Variants in ZGRF1 observed in about 807,000 individuals in gnomAD.
ZGRF1 encodes the protein 5'-3' DNA helicase ZGRF1.
ZGRF1 carries 196 observed loss-of-function variants against 203.5 expected under a neutral mutation model. The ratio of observed to expected loss-of-function variants is 0.96; its 90% confidence interval spans 0.86 to 1.08. The LOEUF (loss-of-function observed/expected upper bound fraction) is 1.08. Ranked by LOEUF, ZGRF1 falls within the 50% of genes least tolerant of loss-of-function variation. ZGRF1 has a pLI of 0.00. For missense variants in ZGRF1, 2,326 were observed against 2,416.3 expected, an observed-to-expected ratio of 0.96 and a Z score of 0.78; for synonymous variants, 809 against 841.3, an observed-to-expected ratio of 0.96 and a Z score of 0.66.
chr4:112,586,231 T>A (rs1747157067), intron 13 of ZGRF1, among the ~76,000 whole-genome samples: 1 of 135,170 alleles, frequency 7.4e-6, no homozygotes, highest in Non-Finnish European at 1.6e-5. Context: ...CATAGTGAGA[T>A]CCTGTCTCAA....
At chr4:112,564,903 CGTCGCTCTCCAACGCCAGCGCCGCCT>C in intron 16 of ZGRF1, 1 of 665,914 alleles carries the variant, frequency 1.5e-6, no homozygotes, top group Non-Finnish European at 2.7e-6. Flanking sequence ...ACCGCGCCGC[CGTCGCTCTCCAACGCCAGCGCCGCCT>C]GTCGCTGACC....
At chr4:112,562,195 C>A (rs1227055466) in intron 18 of ZGRF1, 176 bp downstream of exon 18, 3 of 495,286 alleles carry the variant, frequency 6.1e-6, no homozygotes, top group Non-Finnish European at 1.1e-5. Context: ...AGGCATGAGC[C>A]ACTGCACCCA....
At chr4:112,599,796 A>C (rs1263415563) in intron 10 of ZGRF1, among the ~76,000 whole-genome samples, 7 of 152,092 alleles carry the variant, frequency 4.6e-5, no homozygotes, top group Admixed American at 2.6e-4. Context: ...CAGAAGAGAA[A>C]CTAATAAGAG....
At chr4:112,554,945 T>G (rs1740666831) in intron 20 of ZGRF1, among the ~76,000 whole-genome samples, 163 bp from the exon 21 acceptor site, 2 of 152,168 alleles carry the variant, frequency 1.3e-5, no homozygotes, top group African/African-American at 2.4e-5. Context: ...AAGTAGTTGG[T>G]TTTTTAAATA....
intron 10 of ZGRF1, among the ~76,000 whole-genome samples, chr4:112,597,136 C>T (rs1369300093): frequency 1.3e-5 from 2 of 150,574 alleles, no homozygotes; most frequent in African/African-American, 4.9e-5. Context: ...ATCACTTGAA[C>T]CCAAGAGGCG....
chr4:112,571,186 G>A (rs1296072187), intron 16 of ZGRF1, among the ~76,000 whole-genome samples: 4 of 150,396 alleles, frequency 2.7e-5, no homozygotes, highest in Non-Finnish European at 4.4e-5. Flanking sequence ...CTCAAAATTA[G>A]CTAAGTATCA....
In ZGRF1 at chr4:112,631,952, T is replaced by C; in HGVS notation, c.80A>G (p.Lys27Arg). 1 of 1,598,594 alleles carries C rather than the reference T, an allele frequency of 6.3e-7. No homozygotes were observed. The highest frequency in any genetic ancestry group is 8.5e-7 in the Non-Finnish European group (1 of 1,172,318). ...KSKVWQDGILKITHLGNKAIL... is the reference protein window; with the variant it reads ...KSKVWQDGILRITHLGNKAIL... ...CACTTTGTTTCCTAAGTGAGTGATCTTCAGAATTCCATCTTGCCACACTTT... is the reference window on the plus strand; with the variant it reads ...CACTTTGTTTCCTAAGTGAGTGATCCTCAGAATTCCATCTTGCCACACTTT... Residue 27 changes from lysine to arginine, a missense_variant, in exon 3 of 28, where the codon AAG becomes AGG. Coordinates refer to ENST00000505019, the MANE Select transcript of ZGRF1 (RefSeq NM_018392.5).
intron 16 of ZGRF1, chr4:112,565,109 G>A (rs890837923): frequency 4.6e-5 from 64 of 1,385,090 alleles, no homozygotes; most frequent in South Asian, 6.9e-5. Context: ...AAACCTCATC[G>A]TTACAGGCCT....
chr4:112,576,145 G>A (rs933253568), intron 16 of ZGRF1, among the ~76,000 whole-genome samples: 7 of 152,182 alleles, frequency 4.6e-5, no homozygotes, highest in Admixed American at 1.3e-4. Context: ...TGCAGCCTCC[G>A]CTGCTGATAC....
intron 16 of ZGRF1, among the ~76,000 whole-genome samples, chr4:112,573,622 T>G (rs1297254582): frequency 6.6e-6 from 1 of 152,046 alleles, no homozygotes; most frequent in Non-Finnish European, 1.5e-5. Context: ...TATAGGTGAG[T>G]AATTTTAGAA....
chr4:112,628,413 G>A (rs1006754481), intron 3 of ZGRF1, among the ~76,000 whole-genome samples: 4 of 152,144 alleles, frequency 2.6e-5, no homozygotes, highest in African/African-American at 9.7e-5. Context: ...GATGCTAACT[G>A]CTCTTCTACT....
chr4:112,627,452 C>A (rs1160650195), intron 3 of ZGRF1, among the ~76,000 whole-genome samples: 1 of 152,104 alleles, frequency 6.6e-6, no homozygotes, highest in Admixed American at 6.6e-5. Flanking sequence ...TTCTAAAATA[C>A]AAATATAGCC....
In ZGRF1 at chr4:112,579,495, GA is replaced by G. The variant is rs1407365633; in HGVS notation, c.4438+2167del. Among the ~76,000 whole-genome samples, 3 of 122,796 alleles carry G rather than the reference GA, an allele frequency of 2.4e-5. 1 individual carries two copies. The highest frequency in any genetic ancestry group is 8.5e-5 in the African/African-American group (3 of 35,302). 80.6% of individuals were successfully genotyped at this position (122,796 alleles called of 152,430 possible). On this transcript the variant is annotated intron_variant, in intron 16 of 27. Coordinates refer to ENST00000505019, the MANE Select transcript of ZGRF1 (RefSeq NM_018392.5). ...GGAAGTTAAATTGTCCCTGTTTGCA[GA>G]TGACATGATTGTATATCTAGAAAAC...
chr4:112,614,896 T>C (rs2046815862), intron 6 of ZGRF1, among the ~76,000 whole-genome samples: 1 of 152,266 alleles, frequency 6.6e-6, no homozygotes, highest in Admixed American at 6.5e-5. Context: ...GTGATATTCC[T>C]TATGAGGAAA....
chr4:112,619,100 C>G lies in ZGRF1; in HGVS notation c.942G>C (p.Gln314His). 1 of 1,613,768 alleles carries G rather than the reference C, an allele frequency of 6.2e-7. No individual in the cohort carries two copies. Among genetic ancestry groups the G allele is most frequent in the Non-Finnish European group, 8.5e-7 (1 of 1,179,906 alleles). The change falls in exon 6 of 28, where the codon CAG becomes CAC. Residue 314 changes from glutamine to histidine, a missense_variant. Physicochemically the swap from Gln to His is conservative, Grantham distance 24 (BLOSUM62 0). Transcript: ENST00000505019. ...TTCTCATGGTATTTTCTGATTGATG[C>G]TGGTAGTATAAATTTTCTGTGCTCT... ...EMKSTENLYY[Q>H]HQSENTMRNK...
At chr4:112,600,795 T>G (rs935098516) in intron 10 of ZGRF1, among the ~76,000 whole-genome samples, 1 of 152,156 alleles carries the variant, frequency 6.6e-6, no homozygotes, top group Non-Finnish European at 1.5e-5. Context: ...AATGCTAAAC[T>G]GTCACAGCTG....
At chr4:112,634,683 G>A (rs909036414) in intron 1 of ZGRF1, among the ~76,000 whole-genome samples, 2 of 151,898 alleles carry the variant, frequency 1.3e-5, no homozygotes, top group Non-Finnish European at 2.9e-5. Context: ...GGCGGGGGCG[G>A]TGAAGTGCAA....
At chr4:112,592,777 C>T (rs1333828252) in intron 10 of ZGRF1, among the ~76,000 whole-genome samples, 2 of 152,148 alleles carry the variant, frequency 1.3e-5, no homozygotes, top group Non-Finnish European at 2.9e-5. Context: ...CCTGCTCCTC[C>T]CTGCTATGGA....
rs1249000003 is a variant in ZGRF1, at chr4:112,573,193, CA to C, written c.4438+8469del. On this transcript the variant is annotated intron_variant, in intron 16 of 27. Coordinates refer to ENST00000505019, the MANE Select transcript of ZGRF1 (RefSeq NM_018392.5). ...ACACACACACACACACACACACACA[CA>C]CACACACCCATGGAATACTATTCAG... Among the ~76,000 whole-genome samples the C allele has an allele frequency of 4.1e-3, 625 of 151,762 alleles. 6 individuals carry two copies. Among genetic ancestry groups the C allele is most frequent in the African/African-American group, 0.014 (581 of 41,438 alleles).
Sources: allele counts gnomAD v4.1 joint callset (sites outside exome capture counted in the v4.1 genomes callset), GRCh38; gene constraint gnomAD v4.1.1; transcripts MANE v1.5; gene names NCBI Gene and HGNC (gene_info 2026-07-23, HGNC 2026-07-21).